Variants in ATAD1 observed in about 807,000 individuals in gnomAD.
ATAD1 encodes the protein ATPase family AAA domain containing 1.
A neutral mutation model predicts 42.7 loss-of-function variants in ATAD1; 18 were observed. The ratio of observed to expected loss-of-function variants is 0.42; its 90% confidence interval spans 0.29 to 0.63. The LOEUF is 0.63. Ranked by LOEUF, ATAD1 falls within the 20% of genes least tolerant of loss-of-function variation. ATAD1 has a pLI of 0.19. For synonymous variants in ATAD1, 132 were observed against 143.1 expected (o/e 0.92, Z 0.55); for missense variants, 294 against 440.4 (o/e 0.67, Z 2.98).
At chr10:87,835,505 A>G (rs1449453272) in intron 1 of ATAD1, among the ~76,000 whole-genome samples, 1 of 152,116 alleles carries the variant, frequency 6.6e-6, no homozygotes, top group African/African-American at 2.4e-5. Flanking sequence ...TTCACATGGC[A>G]TATATTTTTC....
intron 9 of ATAD1, 59 bp from the exon 10 acceptor site, chr10:87,754,866 A>T: frequency 6.4e-7 from 1 of 1,555,462 alleles, no homozygotes. Context: ...CCTCCCTAAA[A>T]TATTTTACCA....
At chr10:87,772,138 G>C (rs1180352738) in intron 6 of ATAD1, among the ~76,000 whole-genome samples, 1 of 152,010 alleles carries the variant, frequency 6.6e-6, no homozygotes, top group Non-Finnish European at 1.5e-5. Flanking sequence ...CATAATGCAA[G>C]TTTGTATTTG....
chr10:87,786,196 C>CT (rs1462363523), intron 4 of ATAD1, among the ~76,000 whole-genome samples: 1 of 152,118 alleles, frequency 6.6e-6, no homozygotes, highest in East Asian at 1.9e-4. Context: ...CATTATAAAA[C>CT]TTTTATACAC....
intron 2 of ATAD1, among the ~76,000 whole-genome samples, chr10:87,809,797 C>G (rs1017454847): frequency 5.3e-5 from 8 of 151,976 alleles, no homozygotes; most frequent in African/African-American, 1.9e-4. Flanking sequence ...CAGGAACATG[C>G]CACCACGCCC....
At chr10:87,789,155 A>T (rs772699245) in intron 4 of ATAD1, among the ~76,000 whole-genome samples, 2 of 152,242 alleles carry the variant, frequency 1.3e-5, no homozygotes, top group Non-Finnish European at 2.9e-5. Flanking sequence ...GATTATAAGC[A>T]TTATAATTTA....
upstream of ATAD1, among the ~76,000 whole-genome samples, chr10:87,819,885 T>A (rs560268977): frequency 6.6e-6 from 1 of 152,300 alleles, no homozygotes; most frequent in East Asian, 1.9e-4. Context: ...TGTTGAAAAC[T>A]ATGATTAAGT....
intron 6 of ATAD1, among the ~76,000 whole-genome samples, chr10:87,775,435 A>G (rs1394842439): frequency 6.8e-6 from 1 of 147,076 alleles, no homozygotes; most frequent in East Asian, 1.9e-4. Flanking sequence ...AAAAAAAAAA[A>G]AAAAAAGAGA....
At chr10:87,828,005 T>C (rs998051125) in intron 1 of ATAD1, among the ~76,000 whole-genome samples, 1 of 152,194 alleles carries the variant, frequency 6.6e-6, no homozygotes, top group Admixed American at 6.5e-5. Flanking sequence ...TTGCCCAGGC[T>C]TGAGGGCAGT....
At chr10:87,776,278 C>CA (rs781131847) in intron 6 of ATAD1, 43 bp downstream of exon 6, 10 of 1,492,292 alleles carry the variant, frequency 6.7e-6, no homozygotes, top group East Asian at 2.3e-5. Flanking sequence ...CTATTAAGAA[C>CA]AAAAAAACCA....
chr10:87,831,324 G>A (rs1439372533), intron 1 of ATAD1, among the ~76,000 whole-genome samples: 2 of 152,050 alleles, frequency 1.3e-5, no homozygotes, highest in Admixed American at 6.5e-5. Context: ...TCAGTGTTAC[G>A]TCTTCCCTTT....
chr10:87,756,976 G>T, intron 8 of ATAD1, 54 bp from the exon 9 acceptor site: 1 of 1,422,926 alleles, frequency 7.0e-7, no homozygotes, highest in South Asian at 1.5e-5. Context: ...TATTGTAAAT[G>T]ATACTACCAA....
intron 2 of ATAD1, among the ~76,000 whole-genome samples, chr10:87,802,643 G>GAA (rs746437720): frequency 1.7e-4 from 20 of 115,508 alleles, no homozygotes; most frequent in African/African-American, 5.1e-4. Context: ...ACTATGTCAC[G>GAA]AAAAAAAAAA....
chr10:87,801,803 G>A (rs1286768130), intron 2 of ATAD1, among the ~76,000 whole-genome samples: 1 of 152,132 alleles, frequency 6.6e-6, no homozygotes, highest in African/African-American at 2.4e-5. Context: ...TTTCTGATTG[G>A]AGATTGTGAC....
intron 1 of ATAD1, among the ~76,000 whole-genome samples, chr10:87,838,253 G>A (rs565690896): frequency 2.5e-4 from 38 of 152,146 alleles, no homozygotes; most frequent in African/African-American, 8.2e-4. Context: ...TGGGCTGGGC[G>A]CGGTGGCTCA....
At chr10:87,775,939 G>C (rs954148357) in intron 6 of ATAD1, among the ~76,000 whole-genome samples, 1 of 152,196 alleles carries the variant, frequency 6.6e-6, no homozygotes, top group Admixed American at 6.5e-5. Flanking sequence ...GAATTATGGT[G>C]AAAGTCAAAA....
intron 3 of ATAD1, among the ~76,000 whole-genome samples, chr10:87,791,994 CAT>C (rs1329658821): frequency 2.6e-5 from 4 of 152,272 alleles, no homozygotes; most frequent in Non-Finnish European, 4.4e-5. Context: ...CAAAAATCCA[CAT>C]GACTTAAAGC....
At chr10:87,828,399 A>G (rs1857767265) in intron 1 of ATAD1, among the ~76,000 whole-genome samples, 1 of 152,222 alleles carries the variant, frequency 6.6e-6, no homozygotes, top group South Asian at 2.1e-4. Flanking sequence ...CCACATTCCT[A>G]CAGCCTAATT....
intron 1 of ATAD1, among the ~76,000 whole-genome samples, chr10:87,836,866 C>A (rs1261104889): frequency 6.6e-6 from 1 of 152,138 alleles, no homozygotes; most frequent in Non-Finnish European, 1.5e-5. Flanking sequence ...TTTTTTCCCC[C>A]AATACTTTTT....
At chr10:87,776,278 CA>C (rs781131847) in intron 6 of ATAD1, 42 bp downstream of exon 6, 12 of 1,492,304 alleles carry the variant, frequency 8.0e-6, no homozygotes, top group African/African-American at 1.4e-5. Context: ...CTATTAAGAA[CA>C]AAAAAACCAA....
Sources: allele counts gnomAD v4.1 joint callset (sites outside exome capture counted in the v4.1 genomes callset), GRCh38; gene constraint gnomAD v4.1.1; transcripts MANE v1.5; gene names NCBI Gene and HGNC (gene_info 2026-07-23, HGNC 2026-07-21).